CACNA1A: variants seen among roughly 807,000 people sequenced by gnomAD.
The protein encoded by CACNA1A is calcium voltage-gated channel subunit alpha1 A, also known as voltage-dependent P/Q-type calcium channel subunit alpha-1A.
A neutral mutation model predicts 262.4 loss-of-function variants in CACNA1A; 57 were observed. The observed-to-expected ratio is 0.22, with a 90% confidence interval of 0.18 to 0.27. CACNA1A has a LOEUF of 0.27. Ranked by LOEUF, CACNA1A falls within the 10% of genes least tolerant of loss-of-function variation. CACNA1A has a pLI of 1.00. For synonymous variants in CACNA1A, 1,431 were observed against 1,419.3 expected (o/e 1.01, Z -0.18); for missense variants, 2,526 against 3,562.8 (o/e 0.71, Z 7.41).
chr19:13,363,943 G>A (rs778760927), intron 5 of CACNA1A: 4 of 152,276 alleles, frequency 2.6e-5, no homozygotes, highest in Non-Finnish European at 4.4e-5. Flanking sequence ...AGCAGCTAGA[G>A]TTTGGATGGC....
chr19:13,229,973 T>C (rs1344978354), intron 36 of CACNA1A, 109 bp downstream of exon 36: 1 of 1,276,708 alleles, frequency 7.8e-7, no homozygotes, highest in African/African-American at 1.5e-5. Flanking sequence ...AGACCCCTGC[T>C]AGGACCCCAG....
In CACNA1A at chr19:13,299,046, G is replaced by T. The variant is rs777076641; in HGVS notation, c.2587C>A (p.Arg863Ser). The T allele has an allele frequency of 1.2e-6, 2 of 1,601,234 alleles. No individual in the cohort carries two copies. Among genetic ancestry groups the T allele is most frequent in the Non-Finnish European group, 1.7e-6 (2 of 1,177,886 alleles). ...RAEDFLRKQA[R>S]YHDRARDPSG... ...GGGTCCCGGGCCCGATCGTGGTAGC[G>T]GGCCTGTTTCCTGAGGAAGTCCTCG... The change falls in exon 19 of 47, where the codon CGC (arginine) becomes AGC (serine). Residue 863 changes from arginine to serine, a missense_variant. By Grantham distance (110) the Arg-to-Ser change is moderately radical. This residue lies in a region of CACNA1A where 765 missense variants were observed against 748.6 expected (regional missense o/e 1.02). Transcript: ENST00000360228.
chr19:13,467,600 T>G (rs568394803), intron 1 of CACNA1A, among the ~76,000 whole-genome samples: 1 of 137,054 alleles, frequency 7.3e-6, no homozygotes, highest in African/African-American at 3.3e-5. Context: ...CACTGACTTT[T>G]TCTTTTCTTT....
chr19:13,455,767 G>A (rs2060994207), intron 1 of CACNA1A, among the ~76,000 whole-genome samples: 2 of 151,776 alleles, frequency 1.3e-5, no homozygotes, highest in Non-Finnish European at 2.9e-5. Flanking sequence ...GTACTTGGGA[G>A]GCTGAGGCGA....
At chr19:13,347,127 C>T (rs1386455167) in intron 6 of CACNA1A, among the ~76,000 whole-genome samples, 4 of 144,018 alleles carry the variant, frequency 2.8e-5, no homozygotes, top group African/African-American at 1.0e-4. Flanking sequence ...GTGGCATGAT[C>T]GGCTCACTGC....
intron 43 of CACNA1A, 57 bp from the exon 44 acceptor site, chr19:13,210,709 A>G: frequency 6.6e-7 from 1 of 1,525,900 alleles, no homozygotes; most frequent in Non-Finnish European, 8.9e-7. Flanking sequence ...GAAAATAAAT[A>G]TAAAAGGCAA....
At chr19:13,361,147 G>C (rs1320298163) in intron 5 of CACNA1A, among the ~76,000 whole-genome samples, 1 of 152,080 alleles carries the variant, frequency 6.6e-6, no homozygotes, top group Non-Finnish European at 1.5e-5. Context: ...CTGTTCTGGG[G>C]GTGAGGGACA....
chr19:13,486,079 A>G (rs916209731), intron 1 of CACNA1A, among the ~76,000 whole-genome samples: 1 of 152,252 alleles, frequency 6.6e-6, no homozygotes, highest in Non-Finnish European at 1.5e-5. Flanking sequence ...CTCCTCTCAC[A>G]TGATTTTATT....
intron 1 of CACNA1A, among the ~76,000 whole-genome samples, chr19:13,471,663 G>A (rs1298001452): frequency 1.3e-5 from 2 of 152,154 alleles, no homozygotes; most frequent in African/African-American, 4.8e-5. Context: ...AGTGAAAGAA[G>A]CCAGACACGA....
chr19:13,422,462 A>G (rs1016434601), intron 3 of CACNA1A, among the ~76,000 whole-genome samples: 1 of 152,186 alleles, frequency 6.6e-6, no homozygotes, highest in Non-Finnish European at 1.5e-5. Context: ...AGACTTGGTG[A>G]GATTTATATT....
chr19:13,377,067 C>T (rs945339477), intron 3 of CACNA1A, among the ~76,000 whole-genome samples: 8 of 151,996 alleles, frequency 5.3e-5, no homozygotes, highest in Non-Finnish European at 1.0e-4. Flanking sequence ...TCAAGCGATT[C>T]TCCTGCCTCA....
At chr19:13,482,125 T>C (rs1979397932) in intron 1 of CACNA1A, among the ~76,000 whole-genome samples, 2 of 152,148 alleles carry the variant, frequency 1.3e-5, no homozygotes, top group Admixed American at 1.3e-4. Context: ...AGAGAGCAGA[T>C]ACTGGCATGT....
chr19:13,244,188 C>A (rs148208346), intron 31 of CACNA1A: 11 of 152,224 alleles, frequency 7.2e-5, no homozygotes, highest in Non-Finnish European at 1.0e-4. Flanking sequence ...CAGCTCCCCA[C>A]GGTGGGTGGT....
At chr19:13,336,584 A>AGAGAGAAAGG (rs2058570135) in intron 6 of CACNA1A, among the ~76,000 whole-genome samples, 1 of 101,884 alleles carries the variant, frequency 9.8e-6, no homozygotes, top group Non-Finnish European at 2.0e-5. Flanking sequence ...AGAGAGACAG[A>AGAGAGAAAGG]GAGAGAGAGG....
At chr19:13,367,907 T>C (rs2059245927) in intron 4 of CACNA1A, among the ~76,000 whole-genome samples, 1 of 152,180 alleles carries the variant, frequency 6.6e-6, no homozygotes. Context: ...GGTTCATTCA[T>C]GGCGGCTGAA....
chr19:13,227,392 C>A, intron 37 of CACNA1A, 39 bp downstream of exon 37: 1 of 1,012,598 alleles, frequency 9.9e-7, no homozygotes, highest in Non-Finnish European at 1.5e-6. Context: ...AAAAAAAAAC[C>A]CAGTGCCTGG....
At chr19:13,302,207 T>G (rs1398808434) in intron 17 of CACNA1A, among the ~76,000 whole-genome samples, 1 of 152,140 alleles carries the variant, frequency 6.6e-6, no homozygotes, top group African/African-American at 2.4e-5. Context: ...CATCTAAAAT[T>G]CCAACTCTCC....
At chr19:13,407,849 G>A (rs1404613376) in intron 3 of CACNA1A, among the ~76,000 whole-genome samples, 1 of 152,134 alleles carries the variant, frequency 6.6e-6, no homozygotes, top group East Asian at 1.9e-4. Context: ...ATGTTGAATT[G>A]TAATCCCCAA....
chr19:13,334,435 G>A lies in CACNA1A; in HGVS notation c.1141C>T (p.Arg381Trp), dbSNP rs773593740. ...ENRRAFLKLR[R>W]QQQIERELNG... is the part of the protein sequence containing the mutation. ...AGCTCACGTTCAATCTGTTGTTGCC[G>A]CCTCAGCTTCAGAAAAGCCCGCCGG... Residue 381 changes from arginine to tryptophan, a missense_variant, in exon 8 of 47, where the codon CGG becomes TGG. By Grantham distance (101) the Arg-to-Trp change is moderately radical. Coordinates refer to ENST00000360228, the MANE Select transcript of CACNA1A (RefSeq NM_001127222.2). 1.7e-5 allele frequency: 27 copies of A among 1,612,606 alleles called. No individual in the cohort carries two copies. The highest frequency in any genetic ancestry group is 2.2e-5 in the Non-Finnish European group (26 of 1,178,832).
Sources: allele counts gnomAD v4.1 joint callset (sites outside exome capture counted in the v4.1 genomes callset), GRCh38; gene constraint gnomAD v4.1.1; regional missense constraint gnomAD v4.1.1; transcripts MANE v1.5; gene names NCBI Gene and HGNC (gene_info 2026-07-23, HGNC 2026-07-21).